Variants in KCNT2 observed in about 807,000 individuals in gnomAD.
KCNT2 encodes potassium channel subfamily T member 2.
KCNT2 carries 67 observed loss-of-function variants against 153.8 expected under a neutral mutation model. The observed-to-expected ratio is 0.44, with a 90% CI of 0.36 to 0.53. The LOEUF is 0.53. Among genes scored for constraint, KCNT2 ranks in the 20% least tolerant of loss-of-function variants. KCNT2 has a pLI of 0.00. For synonymous variants in KCNT2, 500 were observed against 458.8 expected, an observed-to-expected ratio of 1.09 and a Z score of -1.15; for missense variants, 975 against 1,354.8, an observed-to-expected ratio of 0.72 and a Z score of 4.40.
intron 1 of KCNT2, among the ~76,000 whole-genome samples, chr1:196,520,151 C>CCTT (rs1653155540): frequency 2.0e-5 from 3 of 151,988 alleles, no homozygotes; most frequent in Admixed American, 6.6e-5. Context: ...GTTGGTTTAA[C>CCTT]GTATGTAAAT....
At chr1:196,602,369 A>G (rs1450579762) in intron 1 of KCNT2, among the ~76,000 whole-genome samples, 1 of 152,234 alleles carries the variant, frequency 6.6e-6, no homozygotes, top group African/African-American at 2.4e-5. Context: ...TAATAAAAAC[A>G]GATGAACCAT....
At position 196,340,634 on chromosome 1, in the gene KCNT2, T is replaced by C. The variant is rs774267032; in HGVS notation, c.1554-64A>G. 96 of 933,360 alleles carry C rather than the reference T, an allele frequency of 1.0e-4. 1 individual carries two copies. The highest frequency in any genetic ancestry group is 1.3e-4 in the Non-Finnish European group (82 of 626,764). The allele number at this position is 933,360 out of a possible 1,614,324, so 57.8% of individuals were successfully genotyped here. A position where few individuals can be genotyped will look rare whatever the true frequency, so the allele number is the denominator to read the frequency against. The stretch of plus-strand genomic sequence containing the variant: ...TAAATTATTGTAAGGCTGAGGAAAA[T>C]AAAAGCTTTAAATAATAGCATTTTA... On this transcript the variant is annotated intron_variant, in intron 15 of 27. Coordinates refer to ENST00000294725, the MANE Select transcript of KCNT2 (RefSeq NM_198503.5).
rs191547741 is a variant in KCNT2, at chr1:196,375,078, T to C, written c.1295-1830A>G. Reference sequence around the variant, plus strand: ...ATCTCATTGTATTTTCCTTCAATAGTTAAAAAAGTAAAAAAAATAATTAGG... The same window carrying C: ...ATCTCATTGTATTTTCCTTCAATAGCTAAAAAAGTAAAAAAAATAATTAGG... On this transcript the variant is annotated intron_variant, in intron 13 of 27. Coordinates refer to ENST00000294725, the MANE Select transcript of KCNT2 (RefSeq NM_198503.5). Among the ~76,000 whole-genome samples the C allele has an allele frequency of 3.7e-3, 557 of 151,936 alleles. 7 individuals are homozygous for C. Among genetic ancestry groups the C allele is most frequent in the African/African-American group, 0.013 (527 of 41,546 alleles).
intron 25 of KCNT2, among the ~76,000 whole-genome samples, chr1:196,277,374 G>A (rs1658666564): frequency 6.6e-6 from 1 of 152,208 alleles, no homozygotes; most frequent in East Asian, 1.9e-4. Flanking sequence ...ACGTGGGTTG[G>A]TCAGTTTCCC....
intron 25 of KCNT2, chr1:196,273,631 G>A (rs769106054): frequency 1.9e-5 from 11 of 575,328 alleles, no homozygotes; most frequent in South Asian, 4.5e-5. Context: ...CATATTTCTC[G>A]TATGGCTTTT....
intron 22 of KCNT2, among the ~76,000 whole-genome samples, chr1:196,304,524 C>T (rs12752504): frequency 3.2e-4 from 48 of 152,076 alleles, no homozygotes; most frequent in Non-Finnish European, 3.5e-4. Flanking sequence ...CAGGTTAACA[C>T]ATTTTACATG....
chr1:196,454,605 G>A (rs1676495986), intron 8 of KCNT2, among the ~76,000 whole-genome samples: 1 of 151,572 alleles, frequency 6.6e-6, no homozygotes, highest in South Asian at 2.1e-4. Flanking sequence ...ACCACAGATG[G>A]GCACCCATCT....
intron 27 of KCNT2, among the ~76,000 whole-genome samples, chr1:196,232,242 C>T (rs1222016726): frequency 6.6e-6 from 1 of 151,708 alleles, no homozygotes; most frequent in Non-Finnish European, 1.5e-5. Flanking sequence ...GCACATTACA[C>T]TTTTTAATAC....
chr1:196,545,496 C>A (rs542903424), intron 1 of KCNT2, among the ~76,000 whole-genome samples: 1 of 151,964 alleles, frequency 6.6e-6, no homozygotes, highest in African/African-American at 2.4e-5. Context: ...CAAATAGGAA[C>A]CTGCAAGCAA....
chr1:196,330,244 C>T (rs534597075), intron 18 of KCNT2, among the ~76,000 whole-genome samples: 1 of 151,334 alleles, frequency 6.6e-6, no homozygotes, highest in African/African-American at 2.4e-5. Flanking sequence ...AAAATAATAG[C>T]AAGAATATAT....
At chr1:196,438,915 A>T (rs766931041) in intron 8 of KCNT2, among the ~76,000 whole-genome samples, 1 of 151,952 alleles carries the variant, frequency 6.6e-6, no homozygotes, top group Non-Finnish European at 1.5e-5. Context: ...TACTTAAAAC[A>T]TATATTCATA....
At chr1:196,520,772 T>A (rs1218184738) in intron 1 of KCNT2, among the ~76,000 whole-genome samples, 1 of 152,098 alleles carries the variant, frequency 6.6e-6, no homozygotes, top group Non-Finnish European at 1.5e-5. Context: ...TGGACACATT[T>A]CTTACACCAT....
intron 18 of KCNT2, among the ~76,000 whole-genome samples, chr1:196,327,111 G>C (rs1220332105): frequency 6.6e-6 from 1 of 152,096 alleles, no homozygotes; most frequent in Admixed American, 6.6e-5. Flanking sequence ...TTTGTAGCTT[G>C]ATGTTGAAAG....
chr1:196,488,827 T>C (rs902168007), intron 3 of KCNT2, among the ~76,000 whole-genome samples: 1 of 151,928 alleles, frequency 6.6e-6, no homozygotes, highest in Admixed American at 6.6e-5. Flanking sequence ...AAACACAGCA[T>C]GGTTCTTGCC....
At chr1:196,286,085 C>T (rs569352046) in intron 22 of KCNT2, among the ~76,000 whole-genome samples, 22 of 151,966 alleles carry the variant, frequency 1.4e-4, no homozygotes, top group Non-Finnish European at 2.4e-4. Context: ...TAACGTCACA[C>T]GATGTACCAT....
At chr1:196,395,363 G>A (rs1014429514) in intron 13 of KCNT2, among the ~76,000 whole-genome samples, 1 of 151,384 alleles carries the variant, frequency 6.6e-6, no homozygotes, top group African/African-American at 2.4e-5. Context: ...CTTATAAACT[G>A]TTTGTAAAAC....
At chr1:196,452,818 G>A (rs1676339373) in intron 8 of KCNT2, among the ~76,000 whole-genome samples, 1 of 151,898 alleles carries the variant, frequency 6.6e-6, no homozygotes, top group South Asian at 2.1e-4. Flanking sequence ...TCAGTTAGTG[G>A]AGGGTCTGGG....
In KCNT2 at chr1:196,373,266, G is replaced by A. The variant is rs1189514330; in HGVS notation, c.1295-18C>T. 9 of 1,049,870 alleles carry A rather than the reference G, an allele frequency of 8.6e-6. No individual in the cohort carries two copies. The highest frequency in any genetic ancestry group is 2.4e-5 in the East Asian group (1 of 41,812). 65.0% of individuals were successfully genotyped at this position (1,049,870 alleles called of 1,614,324 possible). ...AACATGATCTGTTTGAAATAAAATA[G>A]GTAAATTAGAATAATTTACCTTTGG... is the stretch of plus-strand genomic sequence containing the variant. On this transcript the variant is annotated intron_variant, in intron 13 of 27. Transcript: ENST00000294725.
chr1:196,315,389 A>G (rs1425920280), intron 21 of KCNT2, among the ~76,000 whole-genome samples: 1 of 151,692 alleles, frequency 6.6e-6, no homozygotes, highest in Non-Finnish European at 1.5e-5. Context: ...TCCCCATTAA[A>G]TTAAATTCAA....
Sources: gnomAD v4.1 joint callset for allele counts (sites outside exome capture counted in the v4.1 genomes callset) on GRCh38, gnomAD v4.1.1 for gene constraint, MANE v1.5 for transcripts, NCBI Gene and HGNC (gene_info 2026-07-23, HGNC 2026-07-21) for gene names.